The following CACNA1E variants were observed in gnomAD, a reference collection of about 807,000 sequenced individuals.
CACNA1E encodes the protein calcium voltage-gated channel subunit alpha1 E, also known as voltage-dependent R-type calcium channel subunit alpha-1E.
CACNA1E carries 40 observed loss-of-function variants against 259.2 expected under a neutral mutation model. The observed-to-expected ratio is 0.15, with a 90% CI of 0.12 to 0.20. The LOEUF (loss-of-function observed/expected upper bound fraction) is 0.20. Among genes scored for constraint, CACNA1E ranks in the 10% least tolerant of loss-of-function variants. The pLI is 1.00. For synonymous variants in CACNA1E, 1,104 were observed against 1,138.5 expected (o/e 0.97, Z 0.61); for missense variants, 1,874 against 3,040.1 (o/e 0.62, Z 9.02).
chr1:181,724,582 G>T, intron 17 of CACNA1E, 45 bp downstream of exon 17: 1 of 1,510,614 alleles, frequency 6.6e-7, no homozygotes, highest in Non-Finnish European at 9.1e-7. Context: ...TAGTGCCATT[G>T]GGTACCCTTT....
chr1:181,515,505 T>A (rs907699682), intron 3 of CACNA1E, among the ~76,000 whole-genome samples: 11 of 152,216 alleles, frequency 7.2e-5, no homozygotes, highest in Admixed American at 4.6e-4. Context: ...TGGACGTTAT[T>A]ATATTTTCCC....
chr1:181,535,600 T>G (rs528626688), intron 3 of CACNA1E, among the ~76,000 whole-genome samples: 3 of 152,256 alleles, frequency 2.0e-5, no homozygotes, highest in African/African-American at 7.2e-5. Flanking sequence ...CATGCACATA[T>G]AGATGATTAC....
intron 6 of CACNA1E, among the ~76,000 whole-genome samples, chr1:181,606,820 A>C (rs1654282856): frequency 6.6e-6 from 1 of 152,206 alleles, no homozygotes. Flanking sequence ...TCCTGCATGC[A>C]TGAGGGTTTC....
At chr1:181,708,027 G>A (rs1652964516) in intron 7 of CACNA1E, among the ~76,000 whole-genome samples, 1 of 152,178 alleles carries the variant, frequency 6.6e-6, no homozygotes, top group Non-Finnish European at 1.5e-5. Context: ...CAACATTTCA[G>A]CCTGGCCTTG....
intron 25 of CACNA1E, among the ~76,000 whole-genome samples, chr1:181,741,194 C>G (rs1026693478): frequency 2.6e-5 from 4 of 152,164 alleles, no homozygotes; most frequent in African/African-American, 9.7e-5. Flanking sequence ...TTAGGAAGAA[C>G]AGAGCCCACT....
intron 6 of CACNA1E, among the ~76,000 whole-genome samples, chr1:181,605,006 C>A (rs1011462603): frequency 2.0e-5 from 3 of 152,076 alleles, no homozygotes; most frequent in African/African-American, 7.2e-5. Context: ...TTTGTCTTCT[C>A]TCAGAAAGCC....
At chr1:181,566,140 T>G (rs559719944) in intron 3 of CACNA1E, among the ~76,000 whole-genome samples, 1 of 152,336 alleles carries the variant, frequency 6.6e-6, no homozygotes, top group South Asian at 2.1e-4. Context: ...ATTTGTCAAA[T>G]ATATGTGCCT....
intron 1 of CACNA1E, among the ~76,000 whole-genome samples, chr1:181,497,474 A>G (rs1190977951): frequency 6.6e-6 from 1 of 152,114 alleles, no homozygotes; most frequent in African/African-American, 2.4e-5. Flanking sequence ...AGGCCTGGAG[A>G]GCTTTCTGTT....
intron 7 of CACNA1E, among the ~76,000 whole-genome samples, chr1:181,673,408 T>C (rs1330957697): frequency 4.6e-5 from 7 of 152,260 alleles, no homozygotes; most frequent in East Asian, 1.9e-4. Flanking sequence ...AGTGTTTAAG[T>C]CCTGTCCACT....
In CACNA1E at chr1:181,542,403, T is replaced by C. The variant is rs543142758; in HGVS notation, c.512+30893T>C. ...GACTTGATGAAGAAATAGTGGCTGA[T>C]ATTGTTTGGCTTTGTGTCTCCACCC... On this transcript the variant is annotated intron_variant, in intron 3 of 47. Transcript: ENST00000367573. Among the ~76,000 whole-genome samples, 4 of 152,306 alleles carry C rather than the reference T, an allele frequency of 2.6e-5. No homozygotes were observed. In the East Asian group the frequency reaches 7.7e-4, roughly 29 times the overall value.
chr1:181,436,421 T>C (rs1370409183), intron 2 of CACNA1E, among the ~76,000 whole-genome samples: 2 of 152,216 alleles, frequency 1.3e-5, no homozygotes, highest in Non-Finnish European at 2.9e-5. Context: ...CCCATGTTCA[T>C]TGTCTCATTA....
At chr1:181,639,550 T>C (rs557467291) in intron 6 of CACNA1E, among the ~76,000 whole-genome samples, 1 of 152,362 alleles carries the variant, frequency 6.6e-6, no homozygotes, top group East Asian at 1.9e-4. Context: ...CAGCTCTGCC[T>C]TCCGACAGCT....
At chr1:181,743,760 AC>A (rs1223349836) in intron 25 of CACNA1E, among the ~76,000 whole-genome samples, 1 of 152,224 alleles carries the variant, frequency 6.6e-6, no homozygotes, top group African/African-American at 2.4e-5. Flanking sequence ...ACAGCACGTT[AC>A]TTGACTAGCT....
At chr1:181,380,830 T>C (rs927656885) in intron 1 of CACNA1E, among the ~76,000 whole-genome samples, 3 of 152,168 alleles carry the variant, frequency 2.0e-5, no homozygotes, top group Non-Finnish European at 2.9e-5. Context: ...CAAAATGATA[T>C]AACCATTTTA....
intron 6 of CACNA1E, among the ~76,000 whole-genome samples, chr1:181,592,364 T>C (rs2103028234): frequency 6.6e-6 from 1 of 150,874 alleles, no homozygotes; most frequent in South Asian, 2.1e-4. Context: ...GCTTCCAGAC[T>C]GCCAGGCTGT....
chr1:181,719,337 G>C (rs766366247), intron 12 of CACNA1E, among the ~76,000 whole-genome samples: 3 of 152,180 alleles, frequency 2.0e-5, no homozygotes, highest in Non-Finnish European at 2.9e-5. Context: ...ATTATATCAA[G>C]GACCAAAACA....
intron 2 of CACNA1E, among the ~76,000 whole-genome samples, chr1:181,417,189 T>A (rs540505700): frequency 6.6e-6 from 1 of 152,222 alleles, no homozygotes; most frequent in South Asian, 2.1e-4. Context: ...CTATTACCTT[T>A]TCACTATCCC....
chr1:181,430,482 G>T (rs4287138), intron 2 of CACNA1E, among the ~76,000 whole-genome samples: 60,363 of 151,816 alleles, frequency 0.4, 12,246 homozygotes, highest in African/African-American at 0.46. Context: ...CTCTTGTTCG[G>T]GTTACTGTGG....
chr1:181,523,345 AC>A (rs1667126425), intron 3 of CACNA1E, among the ~76,000 whole-genome samples: 1 of 152,248 alleles, frequency 6.6e-6, no homozygotes, highest in Non-Finnish European at 1.5e-5. Context: ...CAAATATGTA[AC>A]ATAGTATATT....
Sources: gnomAD v4.1 joint callset for allele counts (sites outside exome capture counted in the v4.1 genomes callset) on GRCh38, gnomAD v4.1.1 for gene constraint, MANE v1.5 for transcripts, NCBI Gene and HGNC (gene_info 2026-07-23, HGNC 2026-07-21) for gene names.